The following NUP62 variants were observed in gnomAD, a reference collection of about 807,000 sequenced individuals.
The protein encoded by NUP62 is nucleoporin 62.
For missense variants in NUP62, 647 were observed against 689.4 expected, an observed-to-expected ratio of 0.94 and a Z score of 0.69; for synonymous variants, 305 against 303.4, an observed-to-expected ratio of 1.01 and a Z score of -0.05.
chr19:49,912,492 C>T (rs1362024860), intron 2 of NUP62, among the ~76,000 whole-genome samples: 2 of 152,030 alleles, frequency 1.3e-5, no homozygotes, highest in Admixed American at 6.6e-5. Flanking sequence ...TTATTAAGTG[C>T]CACATTGGTT....
Position 49,929,324 on chromosome 19 carries a change from A to C in NUP62, c.-200+2T>G, listed in dbSNP as rs1437162227. Reference sequence around the variant, plus strand: ...GTGCCCCCGGCCCGTCTCCGCGCTCACCACGCCTGCGCTCTCCGCTCCCAC... The same window carrying C: ...GTGCCCCCGGCCCGTCTCCGCGCTCCCCACGCCTGCGCTCTCCGCTCCCAC... On this transcript the variant is annotated splice_donor_variant, in intron 1 of 2. Coordinates refer to ENST00000352066, the MANE Select transcript of NUP62 (RefSeq NM_016553.5). LOFTEE classifies it low-confidence loss of function (5UTR_SPLICE). 6.5e-6 allele frequency: 1 copy of C among 154,888 alleles called. No individual in the cohort carries two copies. The highest frequency in any genetic ancestry group is 2.4e-5 in the African/African-American group (1 of 41,366). 9.6% of individuals were successfully genotyped at this position (154,888 alleles called of 1,614,324 possible). A position where few individuals can be genotyped will look rare whatever the true frequency, so the allele number is the denominator to read the frequency against.
intron 2 of NUP62, among the ~76,000 whole-genome samples, chr19:49,917,184 C>G (rs2075647047): frequency 6.6e-6 from 1 of 152,164 alleles, no homozygotes; most frequent in African/African-American, 2.4e-5. Flanking sequence ...AAGGGGAGAT[C>G]AGAGATGGGC....
intron 2 of NUP62, among the ~76,000 whole-genome samples, chr19:49,912,580 A>G (rs2122636483): frequency 6.6e-6 from 1 of 151,408 alleles, no homozygotes; most frequent in East Asian, 2.0e-4. Flanking sequence ...CAGTTTAGAT[A>G]TGGCCAGGTG....
Position 49,909,686 on chromosome 19 carries a change from C to G in NUP62, c.122G>C (p.Gly41Ala), listed in dbSNP as rs1200499634. The G allele has an allele frequency of 6.2e-7, 1 of 1,614,044 alleles. No homozygotes were observed. Among genetic ancestry groups the G allele is most frequent in the African/African-American group, 1.3e-5 (1 of 74,916 alleles). Reference sequence around the variant, plus strand: ...TTGGAAGGGAGCCCCAAAATTAAACCCTCCAGTGCCAGAGGTGGAGAAAGA... The same window carrying G: ...TTGGAAGGGAGCCCCAAAATTAAACGCTCCAGTGCCAGAGGTGGAGAAAGA... ...GFSFSTSGTGGFNFGAPFQPA... is the reference protein window; with the variant it reads ...GFSFSTSGTGAFNFGAPFQPA... The change falls in exon 3 of 3, where the codon GGG becomes GCG. Residue 41 changes from glycine (G) to alanine (A), a missense_variant. Transcript: ENST00000352066.
intron 2 of NUP62, among the ~76,000 whole-genome samples, chr19:49,914,249 C>T (rs1471380499): frequency 2.6e-5 from 4 of 152,164 alleles, no homozygotes; most frequent in Non-Finnish European, 4.4e-5. Flanking sequence ...ACCACATTTG[C>T]CAAAGGGGAG....
intron 2 of NUP62, among the ~76,000 whole-genome samples, chr19:49,920,758 C>T (rs1237439446): frequency 6.6e-6 from 1 of 152,210 alleles, no homozygotes; most frequent in Non-Finnish European, 1.5e-5. Flanking sequence ...GCGGTGCAGG[C>T]ACAGGACATC....
At chr19:49,914,726 GTTTTTTTTTTTTTTTTTTTTT>G (rs530372497) in intron 2 of NUP62, among the ~76,000 whole-genome samples, 1 of 56,362 alleles carries the variant, frequency 1.8e-5, no homozygotes, top group African/African-American at 6.5e-5. Flanking sequence ...CCAAGTCCCA[GTTTTTTTTTTTTTTTTTTTTT>G]TTTTTTTTTT....
chr19:49,915,155 TG>T (rs1351790521), intron 2 of NUP62, among the ~76,000 whole-genome samples: 1 of 151,998 alleles, frequency 6.6e-6, no homozygotes, highest in Non-Finnish European at 1.5e-5. Context: ...GTGCTATGTG[TG>T]TGGGGGGGTA....
chr19:49,922,458 T>A (rs2075788354), intron 2 of NUP62, among the ~76,000 whole-genome samples: 1 of 151,972 alleles, frequency 6.6e-6, no homozygotes, highest in African/African-American at 2.4e-5. Context: ...GACCGGGCTG[T>A]GTCGGAATGA....
chr19:49,917,992 C>T (rs1269567728), intron 2 of NUP62, among the ~76,000 whole-genome samples: 3 of 151,874 alleles, frequency 2.0e-5, no homozygotes, highest in African/African-American at 4.8e-5. Flanking sequence ...GGTGACAGAG[C>T]GAGACTCTGT....
Position 49,908,289 on chromosome 19 carries a change from C to G in NUP62, c.1519G>C (p.Glu507Gln). The change falls in exon 3 of 3, where the codon GAG (glutamate) becomes CAG (glutamine). Residue 507 changes from glutamate (E) to glutamine (Q), a missense_variant. Physicochemically the swap from Glu to Gln is conservative, Grantham distance 29. Transcript: ENST00000352066. Reference sequence around the variant, plus strand: ...CGCTCCTGCTCCTTGCGCCGGCCCTCGCACACCTTGGTCACCTCCTCCACC... The same window carrying G: ...CGCTCCTGCTCCTTGCGCCGGCCCTGGCACACCTTGGTCACCTCCTCCACC... ...RKVEEVTKVC[E>Q]GRRKEQERSF... 1 of 1,613,992 alleles carries G rather than the reference C, an allele frequency of 6.2e-7. No homozygotes were observed. The highest frequency in any genetic ancestry group is 8.5e-7 in the Non-Finnish European group (1 of 1,180,034).
chr19:49,915,967 T>G (rs77512020), intron 2 of NUP62, among the ~76,000 whole-genome samples: 2,311 of 152,362 alleles, frequency 0.015, 70 homozygotes, highest in African/African-American at 0.053. Flanking sequence ...TGTTCCCTGC[T>G]GTATTCGCAG....
rs2075399866 is a variant in NUP62, at chr19:49,909,269, G to A, written c.539C>T (p.Ala180Val). Residue 180 changes from alanine to valine, a missense_variant, in exon 3 of 3, where the codon GCC (alanine) becomes GTC (valine). By Grantham distance (64) the Ala-to-Val change is moderately conservative. Coordinates refer to ENST00000352066, the MANE Select transcript of NUP62 (RefSeq NM_016553.5). ...CAACGTGGCAGGTGCCGTGGGCTGG[G>A]CTGAATTCCCTGCTGAGCCAATGTT... Reference protein sequence around the residue: ...GFNIGSAGNSAQPTAPATLPF... With the variant: ...GFNIGSAGNSVQPTAPATLPF... 3 of 1,614,054 alleles carry A rather than the reference G, an allele frequency of 1.9e-6. No homozygotes were observed. Among genetic ancestry groups the A allele is most frequent in the South Asian group, 2.2e-5 (2 of 91,086 alleles).
intron 2 of NUP62, among the ~76,000 whole-genome samples, chr19:49,923,116 G>C (rs1483245170): frequency 1.3e-5 from 2 of 152,124 alleles, no homozygotes; most frequent in African/African-American, 4.8e-5. Flanking sequence ...CTACTGAAGG[G>C]ACAAGGGCAG....
In NUP62 at chr19:49,909,128, G is replaced by A. The variant is rs1162086212; in HGVS notation, c.680C>T (p.Thr227Ile). 6.2e-7 allele frequency: 1 copy of A among 1,612,510 alleles called. No individual in the cohort carries two copies. Among genetic ancestry groups the A allele is most frequent in the Non-Finnish European group, 8.5e-7 (1 of 1,179,798 alleles). Reference sequence around the variant, plus strand: ...AGTGGTGGCAGATGAGGTTGGAGCAGTTGCTATTGACGCAAAGAGGCTGGG... The same window carrying A: ...AGTGGTGGCAGATGAGGTTGGAGCAATTGCTATTGACGCAAAGAGGCTGGG... Reference protein sequence around the residue: ...TGPSLFASIATAPTSSATTGL... With the variant: ...TGPSLFASIAIAPTSSATTGL... The change falls in exon 3 of 3, where the codon ACT (threonine) becomes ATT (isoleucine). Residue 227 changes from threonine to isoleucine, a missense_variant. Physicochemically the swap from Thr to Ile is moderately conservative, Grantham distance 89. Transcript: ENST00000352066.
Position 49,921,313 on chromosome 19 carries a change from G to A in NUP62, c.-78+6381C>T, listed in dbSNP as rs753055885. Among the ~76,000 whole-genome samples the A allele has an allele frequency of 4.6e-5, 7 of 152,144 alleles. No individual in the cohort carries two copies. The South Asian group carries it at 6.2e-4, about 14-fold the overall frequency. Reference sequence around the variant, plus strand: ...TGGCCCCACAGCTGAGCTCCTAACCGCACCGAGCCTCTCCAAAACATGGTC... The same window carrying A: ...TGGCCCCACAGCTGAGCTCCTAACCACACCGAGCCTCTCCAAAACATGGTC... On this transcript the variant is annotated intron_variant, in intron 2 of 2. Coordinates refer to ENST00000352066, the MANE Select transcript of NUP62 (RefSeq NM_016553.5). This position sits in a 1 kb window ranked among gnomAD's most constrained non-coding sequence, Gnocchi z 5.4.
chr19:49,923,839 G>A (rs2075820819), intron 2 of NUP62, among the ~76,000 whole-genome samples: 1 of 152,224 alleles, frequency 6.6e-6, no homozygotes, highest in South Asian at 2.1e-4. Flanking sequence ...TGGCTCTAGG[G>A]CCCATGCTCT....
At chr19:49,912,317 T>C (rs1480844957) in intron 2 of NUP62, among the ~76,000 whole-genome samples, 1 of 152,056 alleles carries the variant, frequency 6.6e-6, no homozygotes, top group African/African-American at 2.4e-5. Flanking sequence ...TACAGGCGCA[T>C]GCCACCACGC....
chr19:49,925,079 T>C (rs1314710313), intron 2 of NUP62, among the ~76,000 whole-genome samples: 2 of 151,906 alleles, frequency 1.3e-5, no homozygotes, highest in Non-Finnish European at 2.9e-5. Context: ...CTGACCAACA[T>C]GGAGAAACCC....
Sources: gnomAD v4.1 joint callset for allele counts (sites outside exome capture counted in the v4.1 genomes callset) on GRCh38, gnomAD v4.1.1 for gene constraint, Gnocchi (gnomAD v3.1) non-coding constraint, MANE v1.5 for transcripts, NCBI Gene and HGNC (gene_info 2026-07-23, HGNC 2026-07-21) for gene names.